CNTN5: variants seen among roughly 807,000 people sequenced by gnomAD.
CNTN5 encodes the protein contactin-5.
CNTN5 carries 77 observed loss-of-function variants against 129.1 expected under a neutral mutation model. The observed-to-expected ratio is 0.60, with a 90% CI of 0.50 to 0.72. The LOEUF (loss-of-function observed/expected upper bound fraction) is 0.72, where lower values mean the gene tolerates loss of function less well. Ranked by LOEUF, CNTN5 falls within the 30% of genes least tolerant of loss-of-function variation. The probability of loss-of-function intolerance (pLI) is 0.00; values close to 1 mark genes in which losing one functional copy is unlikely to be tolerated. For missense variants in CNTN5, 1,478 were observed against 1,328.8 expected (o/e 1.11, Z -1.75); for synonymous variants, 509 against 465.6 (o/e 1.09, Z -1.20).
chr11:99,232,596 A>C (rs1020373872), intron 1 of CNTN5, among the ~76,000 whole-genome samples: 2 of 152,158 alleles, frequency 1.3e-5, no homozygotes, highest in Non-Finnish European at 2.9e-5. Flanking sequence ...TGTCTTCTGC[A>C]AACAAAGACA....
intron 13 of CNTN5, among the ~76,000 whole-genome samples, chr11:100,089,487 A>T (rs1044586484): frequency 2.6e-5 from 4 of 152,186 alleles, no homozygotes; most frequent in African/African-American, 9.6e-5. Flanking sequence ...ACCATTGAGT[A>T]AGACAGTGTG....
Position 99,761,615 on chromosome 11 carries a change from A to G in CNTN5, c.56-57929A>G, listed in dbSNP as rs377257616. Among the ~76,000 whole-genome samples the G allele has an allele frequency of 1.8e-4, 27 of 152,172 alleles. No individual in the cohort carries two copies. In the South Asian group the frequency reaches 5.2e-3, roughly 29 times the overall value. On this transcript the variant is annotated intron_variant, in intron 3 of 24. Transcript: ENST00000524871. Reference sequence around the variant, plus strand: ...TGAACTCATCCTTTTTTATGGCTGCATAGTATTCCATGGTGTATATGTGCC... The same window carrying G: ...TGAACTCATCCTTTTTTATGGCTGCGTAGTATTCCATGGTGTATATGTGCC...
intron 7 of CNTN5, among the ~76,000 whole-genome samples, chr11:99,931,825 G>A (rs1416919667): frequency 6.6e-6 from 1 of 152,212 alleles, no homozygotes; most frequent in Non-Finnish European, 1.5e-5. Flanking sequence ...TATGGGTTGA[G>A]CATGAAAAAT....
At chr11:99,753,368 C>A (rs61911566) in intron 3 of CNTN5, among the ~76,000 whole-genome samples, 1 of 151,226 alleles carries the variant, frequency 6.6e-6, no homozygotes, top group Non-Finnish European at 1.5e-5. Flanking sequence ...GTGATTCACC[C>A]GCCTCAGCCT....
rs144797005 is a variant in CNTN5 at position 99,153,683 on chromosome 11, G to C, written c.-210+132413G>C. On this transcript the variant is annotated intron_variant, in intron 1 of 24. Coordinates refer to ENST00000524871, the MANE Select transcript of CNTN5 (RefSeq NM_014361.4). Reference sequence around the variant, plus strand: ...AGTTAAGAACCATTGCTATTTCTGGGGTATGAGTGCAGTTGTTTGGAGGTG... The same window carrying C: ...AGTTAAGAACCATTGCTATTTCTGGCGTATGAGTGCAGTTGTTTGGAGGTG... 4.4e-3 allele frequency among the ~76,000 whole-genome samples: 666 copies of C among 151,972 alleles called. 7 individuals carry two copies. The highest frequency in any genetic ancestry group is 0.014 in the African/African-American group (586 of 41,444).
At chr11:99,757,467 A>C (rs964199034) in intron 3 of CNTN5, among the ~76,000 whole-genome samples, 16 of 151,580 alleles carry the variant, frequency 1.1e-4, no homozygotes, top group Middle Eastern at 3.4e-3. Flanking sequence ...TTTTAACTTG[A>C]TTATATCTAC....
rs567973418 is a variant in CNTN5, at chr11:99,644,154, A to G, written c.55+87885A>G. Among the ~76,000 whole-genome samples the G allele has an allele frequency of 1.9e-3, 189 of 97,612 alleles. 1 individual carries two copies. The highest frequency in any genetic ancestry group is 6.3e-3 in the Middle Eastern group (1 of 160). The allele number at this position is 97,612 out of a possible 152,430, so 64.0% of individuals were successfully genotyped here. ...ACTGAACTTGTAAATATCATTTCCA[A>G]AAAAGACTGTCTCTAGCGTAGAAAG... On this transcript the variant is annotated intron_variant, in intron 3 of 24. Transcript: ENST00000524871.
intron 13 of CNTN5, among the ~76,000 whole-genome samples, chr11:100,114,065 T>C (rs890074452): frequency 6.6e-6 from 1 of 152,216 alleles, no homozygotes; most frequent in African/African-American, 2.4e-5. Context: ...ATTCTACCAC[T>C]AAGTGGTTGG....
At chr11:99,427,786 A>C (rs1943195045) in intron 2 of CNTN5, among the ~76,000 whole-genome samples, 1 of 151,214 alleles carries the variant, frequency 6.6e-6, no homozygotes. Flanking sequence ...AAAAAAAAAA[A>C]AAAAAAGTTA....
intron 1 of CNTN5, among the ~76,000 whole-genome samples, chr11:99,210,580 G>A (rs1042942761): frequency 2.0e-5 from 3 of 151,928 alleles, no homozygotes; most frequent in Non-Finnish European, 2.9e-5. Flanking sequence ...CTTTGTCTCC[G>A]ATTTCACATA....
At chr11:99,125,888 T>C (rs1347084096) in intron 1 of CNTN5, among the ~76,000 whole-genome samples, 1 of 152,196 alleles carries the variant, frequency 6.6e-6, no homozygotes, top group African/African-American at 2.4e-5. Flanking sequence ...AATACCATTA[T>C]ATCATTAAGT....
At chr11:99,830,083 G>A (rs1322845611) in intron 4 of CNTN5, among the ~76,000 whole-genome samples, 2 of 152,118 alleles carry the variant, frequency 1.3e-5, no homozygotes, top group African/African-American at 2.4e-5. Flanking sequence ...AGGCAGTCTG[G>A]ATTAGGAGTG....
intron 1 of CNTN5, among the ~76,000 whole-genome samples, chr11:99,064,167 C>G (rs1865005549): frequency 6.6e-6 from 1 of 152,076 alleles, no homozygotes; most frequent in African/African-American, 2.4e-5. Context: ...AGTTTTCATG[C>G]CCTTGTTGCT....
chr11:99,034,851 A>G (rs1321325079), intron 1 of CNTN5, among the ~76,000 whole-genome samples: 1 of 149,702 alleles, frequency 6.7e-6, no homozygotes, highest in African/African-American at 2.5e-5. Flanking sequence ...AGTTCTTTTA[A>G]TTGTGATGTT....
chr11:100,167,133 A>G (rs1350361539), intron 13 of CNTN5, among the ~76,000 whole-genome samples: 1 of 151,506 alleles, frequency 6.6e-6, no homozygotes, highest in African/African-American at 2.4e-5. Context: ...CAACTTCCAA[A>G]CCCCGCCCCC....
chr11:100,313,704 AGAG>A lies in CNTN5; in HGVS notation c.2730+5240_2730+5242del, dbSNP rs1951520724. Among the ~76,000 whole-genome samples, 3 of 152,064 alleles carry A rather than the reference AGAG, an allele frequency of 2.0e-5. No individual in the cohort carries two copies. In the South Asian group the frequency reaches 6.2e-4, roughly 31 times the overall value. On this transcript the variant is annotated intron_variant, in intron 21 of 24. Coordinates refer to ENST00000524871, the MANE Select transcript of CNTN5 (RefSeq NM_014361.4). ...CATCTGAGGACAAAATTTCAAGAGA[AGAG>A]GAGAGAACAAGAGCAGAGGGGAATG...
rs915573276 is a variant in CNTN5 at position 99,602,652 on chromosome 11, TA to T, written c.55+46396del. ...GGTCTGGGGAGGAGTTTGTGCAATGTAAAAAAAAAAAAATGTATCAAAAATC... is the reference window on the plus strand; with the variant it reads ...GGTCTGGGGAGGAGTTTGTGCAATGTAAAAAAAAAAAATGTATCAAAAATC... On this transcript the variant is annotated intron_variant, in intron 3 of 24. Transcript: ENST00000524871. Among the ~76,000 whole-genome samples the T allele has an allele frequency of 4.9e-3, 699 of 143,790 alleles. 1 individual carries two copies. Among genetic ancestry groups the T allele is most frequent in the Middle Eastern group, 0.014 (4 of 280 alleles). The allele number at this position is 143,790 out of a possible 152,430, so 94.3% of individuals were successfully genotyped here. A position where few individuals can be genotyped will look rare whatever the true frequency, so the allele number is the denominator to read the frequency against.
chr11:99,501,601 CA>C (rs1191138841), intron 2 of CNTN5, among the ~76,000 whole-genome samples: 5 of 151,906 alleles, frequency 3.3e-5, no homozygotes, highest in Middle Eastern at 6.8e-3. Context: ...ATTCTTAGGA[CA>C]AAAAAAGTTT....
chr11:99,474,360 T>C (rs1945289067), intron 2 of CNTN5, among the ~76,000 whole-genome samples: 2 of 152,068 alleles, frequency 1.3e-5, no homozygotes, highest in South Asian at 2.1e-4. Context: ...AAATCCTAAC[T>C]TTACATTTTA....
Sources: gnomAD v4.1 joint callset for allele counts (sites outside exome capture counted in the v4.1 genomes callset) on GRCh38, gnomAD v4.1.1 for gene constraint, MANE v1.5 for transcripts, NCBI Gene and HGNC (gene_info 2026-07-23, HGNC 2026-07-21) for gene names.